AMPH: variants seen among roughly 807,000 people sequenced by gnomAD.
AMPH encodes the protein amphiphysin (Stiff-Mann syndrome with breast cancer 128kD autoantigen).
Under a neutral mutation model 99.1 loss-of-function variants are expected in AMPH, and 49 were observed. That is an observed-to-expected ratio of 0.49 (90% CI 0.39 to 0.63). AMPH has a LOEUF of 0.63. AMPH is among the 20% of genes least tolerant of loss of function. AMPH has a pLI of 0.00. For synonymous variants in AMPH, 314 were observed against 317.3 expected (o/e 0.99, Z 0.11); for missense variants, 759 against 863.4 (o/e 0.88, Z 1.52).
At chr7:38,583,464 T>C (rs544375607) in intron 1 of AMPH, among the ~76,000 whole-genome samples, 19 of 152,266 alleles carry the variant, frequency 1.2e-4, no homozygotes, top group Non-Finnish European at 2.5e-4. Flanking sequence ...AAACTTGAAA[T>C]AATAATATGA....
chr7:38,398,838 TTAAAAA>T (rs145670233), intron 17 of AMPH, among the ~76,000 whole-genome samples: 8,813 of 152,058 alleles, frequency 0.058, 353 homozygotes, highest in East Asian at 0.19. Context: ...CCCACAAAAG[TTAAAAA>T]TAAACATAAA....
intron 19 of AMPH, among the ~76,000 whole-genome samples, chr7:38,390,288 C>T (rs1784451809): frequency 6.6e-6 from 1 of 152,318 alleles, no homozygotes; most frequent in South Asian, 2.1e-4. Context: ...AAAACCACCA[C>T]TTGCAGGTTA....
At chr7:38,574,065 T>G (rs1792143954) in intron 1 of AMPH, among the ~76,000 whole-genome samples, 1 of 152,244 alleles carries the variant, frequency 6.6e-6, no homozygotes, top group Non-Finnish European at 1.5e-5. Context: ...GAATGGATTT[T>G]GATGTTAAGT....
intron 1 of AMPH, among the ~76,000 whole-genome samples, chr7:38,555,249 T>TA (rs35861878): frequency 3.4e-4 from 49 of 145,166 alleles, no homozygotes; most frequent in Middle Eastern, 3.6e-3. Context: ...TAACACAATT[T>TA]AAAAAAAAAA....
At chr7:38,408,380 A>G (rs1321187546) in intron 17 of AMPH, among the ~76,000 whole-genome samples, 1 of 152,212 alleles carries the variant, frequency 6.6e-6, no homozygotes, top group Non-Finnish European at 1.5e-5. Flanking sequence ...CTGGGCATCA[A>G]AGCAAACATA....
At chr7:38,608,026 A>G (rs1793494661) in intron 1 of AMPH, among the ~76,000 whole-genome samples, 1 of 151,796 alleles carries the variant, frequency 6.6e-6, no homozygotes, top group South Asian at 2.1e-4. Flanking sequence ...TTTAGTAGAG[A>G]TGAGGTCTCA....
At chr7:38,396,440 G>A (rs960200261) in intron 17 of AMPH, among the ~76,000 whole-genome samples, 1 of 152,176 alleles carries the variant, frequency 6.6e-6, no homozygotes, top group African/African-American at 2.4e-5. Context: ...ATGTGGAACT[G>A]TAAGTCCAAT....
intron 12 of AMPH, among the ~76,000 whole-genome samples, chr7:38,434,631 C>T (rs989099235): frequency 5.9e-5 from 9 of 151,772 alleles, no homozygotes; most frequent in Middle Eastern, 3.4e-3. Context: ...CCCAACTACT[C>T]GGGAGGCTGA....
intron 2 of AMPH, among the ~76,000 whole-genome samples, chr7:38,512,468 T>A (rs1453972755): frequency 6.6e-6 from 1 of 152,240 alleles, no homozygotes; most frequent in Non-Finnish European, 1.5e-5. Flanking sequence ...ATAATGAGTT[T>A]AATTCACAAG....
chr7:38,433,913 G>A (rs1210051777), intron 12 of AMPH, among the ~76,000 whole-genome samples: 3 of 152,018 alleles, frequency 2.0e-5, no homozygotes, highest in African/African-American at 7.3e-5. Context: ...ACAAGATGAG[G>A]TGTTCTGCTA....
chr7:38,391,613 T>A (rs1784495880), intron 19 of AMPH, 135 bp downstream of exon 19: 1 of 822,942 alleles, frequency 1.2e-6, no homozygotes, highest in Non-Finnish European at 1.9e-6. Context: ...GTCCAAGTGA[T>A]GTTGTGGTGA....
intron 11 of AMPH, among the ~76,000 whole-genome samples, chr7:38,439,092 T>G (rs548334726): frequency 6.6e-6 from 1 of 152,150 alleles, no homozygotes; most frequent in Non-Finnish European, 1.5e-5. Flanking sequence ...AGTGTGGCAC[T>G]TCCCCCCTGC....
intron 17 of AMPH, among the ~76,000 whole-genome samples, chr7:38,398,662 T>C (rs1030549921): frequency 3.9e-5 from 6 of 152,112 alleles, no homozygotes; most frequent in African/African-American, 1.4e-4. Flanking sequence ...CAATAACTTA[T>C]TGTACATTTT....
intron 2 of AMPH, among the ~76,000 whole-genome samples, chr7:38,517,902 A>G (rs1789811819): frequency 1.3e-5 from 2 of 152,206 alleles, no homozygotes; most frequent in African/African-American, 4.8e-5. Context: ...AAGACCCCAC[A>G]ATCATTCTGA....
intron 1 of AMPH, among the ~76,000 whole-genome samples, chr7:38,603,528 A>G (rs1473131538): frequency 6.6e-6 from 1 of 152,080 alleles, no homozygotes. Context: ...CCCGAACCAT[A>G]TTTGGTAGTT....
chr7:38,490,858 T>C (rs562483693), intron 5 of AMPH, among the ~76,000 whole-genome samples, 192 bp downstream of exon 5: 17 of 152,310 alleles, frequency 1.1e-4, no homozygotes, highest in Non-Finnish European at 2.4e-4. Context: ...AAAAGCGAAA[T>C]GTGATTTCTG....
At chr7:38,622,683 G>C (rs1794114897) in intron 1 of AMPH, among the ~76,000 whole-genome samples, 1 of 152,184 alleles carries the variant, frequency 6.6e-6, no homozygotes, top group African/African-American at 2.4e-5. Context: ...TGAGGATATT[G>C]AATCTTTCCT....
chr7:38,617,045 T>C (rs909500466), intron 1 of AMPH, among the ~76,000 whole-genome samples: 1 of 152,368 alleles, frequency 6.6e-6, no homozygotes, highest in Middle Eastern at 3.4e-3. Flanking sequence ...TTTTTACATA[T>C]ATAAAAATGT....
chr7:38,403,318 G>A (rs937653686), intron 17 of AMPH, among the ~76,000 whole-genome samples: 2 of 152,194 alleles, frequency 1.3e-5, no homozygotes, highest in Admixed American at 6.5e-5. Flanking sequence ...TCCCTTCTGT[G>A]ACAAACTGCT....
Sources: gnomAD v4.1 joint callset for allele counts (sites outside exome capture counted in the v4.1 genomes callset) on GRCh38, gnomAD v4.1.1 for gene constraint, MANE v1.5 for transcripts, NCBI Gene and HGNC (gene_info 2026-07-23, HGNC 2026-07-21) for gene names.